The following DNAJC10 variants were observed in gnomAD, a reference collection of about 807,000 sequenced individuals.
DNAJC10 encodes the protein DnaJ heat shock protein family (Hsp40) member C10, also known as endoplasmic reticulum disulfide reductase DNAJC10.
In DNAJC10, 101 loss-of-function variants were observed where a neutral mutation model predicts 115.0. That is an observed-to-expected ratio of 0.88 (90% CI 0.75 to 1.04). The LOEUF (loss-of-function observed/expected upper bound fraction) is 1.04. DNAJC10 is among the 50% of genes least tolerant of loss of function. The pLI is 0.00. For synonymous variants in DNAJC10, 307 were observed against 301.5 expected (o/e 1.02, Z -0.19); for missense variants, 981 against 928.8 (o/e 1.06, Z -0.73).
At chr2:182,772,526 T>C (rs1694593951) in intron 22 of DNAJC10, among the ~76,000 whole-genome samples, 1 of 152,226 alleles carries the variant, frequency 6.6e-6, no homozygotes, top group Admixed American at 6.5e-5. Context: ...ATATTTAGGA[T>C]CGTTAGCTCT....
At chr2:182,773,383 T>G (rs2105707169) in intron 22 of DNAJC10, among the ~76,000 whole-genome samples, 1 of 152,340 alleles carries the variant, frequency 6.6e-6, no homozygotes, top group East Asian at 1.9e-4. Context: ...TGGCCTGCCT[T>G]GATAGGTTGA....
intron 21 of DNAJC10, among the ~76,000 whole-genome samples, chr2:182,761,395 A>G (rs1318675338): frequency 6.6e-6 from 1 of 152,116 alleles, no homozygotes; most frequent in Non-Finnish European, 1.5e-5. Context: ...TCGGTATGCA[A>G]GTGTGTGTGT....
intron 14 of DNAJC10, among the ~76,000 whole-genome samples, chr2:182,745,600 T>C (rs1439655698): frequency 2.6e-5 from 4 of 152,024 alleles, no homozygotes; most frequent in Admixed American, 6.6e-5. Context: ...TACTGAGGAA[T>C]AGGAAAAAAT....
chr2:182,741,334 T>C lies in DNAJC10; in HGVS notation c.1169T>C (p.Leu390Pro). The C allele has an allele frequency of 6.4e-7, 1 of 1,571,070 alleles. No homozygotes were observed. Among genetic ancestry groups the C allele is most frequent in the Non-Finnish European group, 8.7e-7 (1 of 1,151,676 alleles). Residue 390 changes from leucine to proline, a missense_variant, in exon 13 of 24, where the codon CTA becomes CCA. Transcript: ENST00000264065. The stretch of plus-strand genomic sequence containing the variant: ...CCTGAGCTGAAAAAACTAAAAACTC[T>C]ACTTAAAAATGATCATATTCAAGTA... ...NDPELKKLKT[L>P]LKNDHIQVGR... is the part of the protein sequence containing the mutation.
chr2:182,787,247 GTC>G lies in DNAJC10; in HGVS notation c.*10118_*10119del, dbSNP rs1323521247. 4 of 152,170 alleles carry G rather than the reference GTC, an allele frequency of 2.6e-5. No individual in the cohort carries two copies. Among genetic ancestry groups the G allele is most frequent in the African/African-American group, 9.7e-5 (4 of 41,430 alleles). 9.4% of individuals were successfully genotyped at this position (152,170 alleles called of 1,614,324 possible). A position where few individuals can be genotyped will look rare whatever the true frequency, so the allele number is the denominator to read the frequency against. On this transcript the variant is annotated 3_prime_UTR_variant, in exon 24 of 24. Coordinates refer to ENST00000264065, the MANE Select transcript of DNAJC10 (RefSeq NM_018981.4). ...TTTTGGAAACTATACTGGCTTGACA[GTC>G]TCCCCATACTGATTCAGACTCCAGC...
intron 16 of DNAJC10, among the ~76,000 whole-genome samples, chr2:182,753,907 A>G (rs577406719): frequency 1.3e-5 from 2 of 152,068 alleles, no homozygotes; most frequent in Non-Finnish European, 2.9e-5. Flanking sequence ...TCTACTTTTC[A>G]TCTTAGCTCA....
chr2:182,719,126 A>G (rs1693076114), intron 3 of DNAJC10, among the ~76,000 whole-genome samples: 1 of 151,696 alleles, frequency 6.6e-6, no homozygotes. Context: ...TTAAGTTTCC[A>G]TATAAAAGAC....
chr2:182,750,708 A>G (rs1319285486), intron 14 of DNAJC10, among the ~76,000 whole-genome samples: 3 of 152,192 alleles, frequency 2.0e-5, no homozygotes, highest in African/African-American at 7.2e-5. Context: ...TGTACTGAAT[A>G]CCATAAGCAA....
At position 182,747,529 on chromosome 2, in the gene DNAJC10, TTGTC is replaced by T. The variant is rs1217333453; in HGVS notation, c.1306+3821_1306+3824del. Among the ~76,000 whole-genome samples, 4 of 151,550 alleles carry T rather than the reference TTGTC, an allele frequency of 2.6e-5. No homozygotes were observed. The East Asian group carries it at 7.8e-4, about 29-fold the overall frequency. ...GAGTTCACTCATGATTTGGCTCTGT[TTGTC>T]TGTTGTTGGTGTATAAGAATGCTTG... On this transcript the variant is annotated intron_variant, in intron 14 of 23. Transcript: ENST00000264065.
Position 182,740,394 on chromosome 2 carries a change from GT to G in DNAJC10, c.1077+11del. The G allele has an allele frequency of 6.4e-7, 1 of 1,555,234 alleles. No individual in the cohort carries two copies. The highest frequency in any genetic ancestry group is 8.6e-7 in the Non-Finnish European group (1 of 1,158,710). On this transcript the variant is annotated splice_region_variant and intron_variant, in intron 12 of 23. Transcript: ENST00000264065. ...TTTCGGCAAACACACTAGAGGTAAT[GT>G]TTTTATTAATAATGATAAGTAGCAA...
chr2:182,745,087 C>T (rs1056491011), intron 14 of DNAJC10, among the ~76,000 whole-genome samples: 1 of 152,090 alleles, frequency 6.6e-6, no homozygotes, highest in Non-Finnish European at 1.5e-5. Context: ...ACTTTTCTGC[C>T]TTGACTTACC....
At position 182,778,729 on chromosome 2, in the gene DNAJC10, CA is replaced by C. The variant is rs1694772759; in HGVS notation, c.*1598del. On this transcript the variant is annotated 3_prime_UTR_variant, in exon 24 of 24. Coordinates refer to ENST00000264065, the MANE Select transcript of DNAJC10 (RefSeq NM_018981.4). ...CTGTTGGCATATATGGAACAGTCAC[CA>C]CTTGTCACACTTAACACCAGCTTTT... 1 of 152,186 alleles carries C rather than the reference CA, an allele frequency of 6.6e-6. No homozygotes were observed. Among genetic ancestry groups the C allele is most frequent in the South Asian group, 2.1e-4 (1 of 4,828 alleles). The allele number at this position is 152,186 out of a possible 1,614,324, so 9.4% of individuals were successfully genotyped here.
In DNAJC10 at chr2:182,778,136, T is replaced by C. The variant is rs1175740246; in HGVS notation, c.*1004T>C. ...TTTTGACCTGTATCCTTTATTTACA[T>C]TGGGTTTTTCTTTCGTAGTTTTGGT... On this transcript the variant is annotated 3_prime_UTR_variant, in exon 24 of 24. Coordinates refer to ENST00000264065, the MANE Select transcript of DNAJC10 (RefSeq NM_018981.4). 1 of 152,202 alleles carries C rather than the reference T, an allele frequency of 6.6e-6. No homozygotes were observed. The highest frequency in any genetic ancestry group is 1.5e-5 in the Non-Finnish European group (1 of 68,034). 9.4% of individuals were successfully genotyped at this position (152,202 alleles called of 1,614,324 possible).
At chr2:182,723,892 C>T (rs1472733159) in intron 5 of DNAJC10, among the ~76,000 whole-genome samples, 3 of 152,160 alleles carry the variant, frequency 2.0e-5, no homozygotes, top group Non-Finnish European at 4.4e-5. Flanking sequence ...AGAGATAATT[C>T]ATAAATAATT....
At position 182,752,351 on chromosome 2, in the gene DNAJC10, A is replaced by G. The variant is rs189301562; in HGVS notation, c.1551+163A>G. On this transcript the variant is annotated intron_variant, in intron 16 of 23. Coordinates refer to ENST00000264065, the MANE Select transcript of DNAJC10 (RefSeq NM_018981.4). ...TAATATTTTTAGAAAGTGGTATCAA[A>G]TATGATTGGATTAAACCATGCATAG... Among the ~76,000 whole-genome samples the G allele has an allele frequency of 3.1e-3, 467 of 152,336 alleles. 3 individuals carry two copies. The highest frequency in any genetic ancestry group is 0.011 in the African/African-American group (452 of 41,586).
rs1694966151 is a variant in DNAJC10 at position 182,787,343 on chromosome 2, T to C, written c.*10211T>C. 1.3e-5 allele frequency: 2 copies of C among 152,142 alleles called. No individual in the cohort carries two copies. The highest frequency in any genetic ancestry group is 4.8e-5 in the African/African-American group (2 of 41,416). The allele number at this position is 152,142 out of a possible 1,614,324, so 9.4% of individuals were successfully genotyped here. On this transcript the variant is annotated 3_prime_UTR_variant, in exon 24 of 24. Transcript: ENST00000264065. ...AAGGTTCTGGAATTATGGAAGAAAA[T>C]AGGGTGGGCCTACTGTCTCTTCCCA...
Position 182,752,091 on chromosome 2 carries a change from C to G in DNAJC10, c.1454C>G (p.Ala485Gly), listed in dbSNP as rs775996716. 6.2e-7 allele frequency: 1 copy of G among 1,613,350 alleles called. No individual in the cohort carries two copies. Among genetic ancestry groups the G allele is most frequent in the African/African-American group, 1.3e-5 (1 of 74,938 alleles). Residue 485 changes from alanine to glycine, a missense_variant, in exon 16 of 24, where the codon GCT becomes GGT. Transcript: ENST00000264065. Reference protein sequence around the residue: ...FFAPWCPPCRALLPELRRASN... With the variant: ...FFAPWCPPCRGLLPELRRASN... The stretch of plus-strand genomic sequence containing the variant: ...TCCTAGTGGTGTCCACCATGTCGAG[C>G]TTTACTACCAGAGTTACGAAGAGCA...
At chr2:182,762,170 A>AAAAAG (rs4018697) in intron 21 of DNAJC10, among the ~76,000 whole-genome samples, 14 of 149,074 alleles carry the variant, frequency 9.4e-5, no homozygotes, top group Non-Finnish European at 1.3e-4. Context: ...AAAAAAAAAA[A>AAAAAG]AGAGAGAGAG....
chr2:182,773,592 T>C (rs1574960397), intron 22 of DNAJC10, among the ~76,000 whole-genome samples: 1 of 152,362 alleles, frequency 6.6e-6, no homozygotes, highest in Middle Eastern at 3.4e-3. Flanking sequence ...CTTCAATCAC[T>C]GATACCCTTT....
Sources: allele counts gnomAD v4.1 joint callset (sites outside exome capture counted in the v4.1 genomes callset), GRCh38; gene constraint gnomAD v4.1.1; transcripts MANE v1.5; gene names NCBI Gene and HGNC (gene_info 2026-07-23, HGNC 2026-07-21).